The following COL25A1 variants were observed in gnomAD, a reference collection of about 807,000 sequenced individuals.
COL25A1 encodes the protein collagen type XXV alpha 1 chain, also known as collagen alpha-1(XXV) chain.
COL25A1 carries 103 observed loss-of-function variants against 128.4 expected under a neutral mutation model. That is an observed-to-expected ratio of 0.80 (90% CI 0.68 to 0.94). The LOEUF is 0.94. Ranked by LOEUF, COL25A1 falls within the 40% of genes least tolerant of loss-of-function variation. COL25A1 has a pLI of 0.00. For missense variants in COL25A1, 745 were observed against 840.0 expected (o/e 0.89, Z 1.40); for synonymous variants, 279 against 277.2 (o/e 1.01, Z -0.06).
intron 8 of COL25A1, chr4:108,942,124 G>T (rs1284927396): frequency 9.4e-6 from 13 of 1,377,950 alleles, no homozygotes; most frequent in Non-Finnish European, 1.3e-5. Flanking sequence ...AAGCCAACGG[G>T]CTCGGCAAGC....
chr4:109,295,340 T>A (rs2126288693), intron 3 of COL25A1, among the ~76,000 whole-genome samples: 1 of 152,186 alleles, frequency 6.6e-6, no homozygotes, highest in East Asian at 1.9e-4. Flanking sequence ...GTTGTACTCA[T>A]TAGGACTGAA....
intron 21 of COL25A1, 124 bp from the exon 22 acceptor site, chr4:108,862,669 C>T (rs1202772948): frequency 1.3e-6 from 1 of 741,554 alleles, no homozygotes; most frequent in Non-Finnish European, 2.4e-6. Flanking sequence ...TTAACTGCCT[C>T]AATATATGGC....
intron 18 of COL25A1, among the ~76,000 whole-genome samples, chr4:108,888,111 T>C (rs536451465): frequency 2.6e-4 from 40 of 152,116 alleles, no homozygotes; most frequent in African/African-American, 9.4e-4. Flanking sequence ...GCCTAATGAG[T>C]CATTGCTTAG....
rs532608339 is a variant in COL25A1, at chr4:108,810,427, C to T, written c.*3500G>A. 106 of 151,950 alleles carry T rather than the reference C, an allele frequency of 7.0e-4. No individual in the cohort carries two copies. Among genetic ancestry groups the T allele is most frequent in the African/African-American group, 2.5e-3 (103 of 41,504 alleles). The allele number at this position is 151,950 out of a possible 1,614,324, so 9.4% of individuals were successfully genotyped here. A position where few individuals can be genotyped will look rare whatever the true frequency, so the allele number is the denominator to read the frequency against. On this transcript the variant is annotated 3_prime_UTR_variant, in exon 38 of 38. Coordinates refer to ENST00000399132, the MANE Select transcript of COL25A1 (RefSeq NM_198721.4). ...ACAGAATGTAAATTCAAAAACAAGA[C>T]CTTTCTTCTGGTAGGAATTAAAGAT...
intron 8 of COL25A1, among the ~76,000 whole-genome samples, chr4:108,970,600 A>G (rs185397605): frequency 1.2e-4 from 19 of 152,286 alleles, no homozygotes; most frequent in Non-Finnish European, 1.3e-4. Context: ...TTTCAAGAAT[A>G]CAATATATTG....
intron 37 of COL25A1, among the ~76,000 whole-genome samples, chr4:108,815,219 G>A (rs1198960799): frequency 5.3e-5 from 8 of 152,082 alleles, no homozygotes; most frequent in Non-Finnish European, 1.0e-4. Context: ...TAATTAATCA[G>A]TGATTTATAC....
intron 13 of COL25A1, among the ~76,000 whole-genome samples, chr4:108,916,415 C>A (rs1205841190): frequency 1.3e-5 from 2 of 151,976 alleles, no homozygotes; most frequent in East Asian, 3.9e-4. Flanking sequence ...ATTTCCTTTG[C>A]AAAAATAAAG....
At chr4:109,134,514 G>A (rs923167587) in intron 3 of COL25A1, among the ~76,000 whole-genome samples, 10 of 152,212 alleles carry the variant, frequency 6.6e-5, no homozygotes, top group South Asian at 2.1e-4. Context: ...GCAAAGAAGC[G>A]CATTCCCCAT....
chr4:109,068,095 T>C (rs1762610925), intron 3 of COL25A1, among the ~76,000 whole-genome samples: 1 of 152,202 alleles, frequency 6.6e-6, no homozygotes, highest in South Asian at 2.1e-4. Context: ...TGTGCATATC[T>C]TCAGTAGCTT....
At chr4:108,915,634 T>C (rs1744788527) in intron 13 of COL25A1, among the ~76,000 whole-genome samples, 1 of 152,142 alleles carries the variant, frequency 6.6e-6, no homozygotes. Flanking sequence ...CTCACTATGG[T>C]GCCCAAGCTG....
At chr4:108,996,774 G>A (rs192163421) in intron 6 of COL25A1, among the ~76,000 whole-genome samples, 23 of 152,282 alleles carry the variant, frequency 1.5e-4, no homozygotes, top group African/African-American at 4.1e-4. Flanking sequence ...ACAACAAGCT[G>A]TCTCTCAGAC....
chr4:109,298,661 C>A (rs560037235), intron 3 of COL25A1, among the ~76,000 whole-genome samples: 166 of 152,302 alleles, frequency 1.1e-3, no homozygotes, highest in South Asian at 3.3e-3. Context: ...ATATTATTTT[C>A]AACGTAATGT....
intron 18 of COL25A1, among the ~76,000 whole-genome samples, chr4:108,884,846 C>A (rs1740589301): frequency 6.6e-6 from 1 of 152,160 alleles, no homozygotes; most frequent in Non-Finnish European, 1.5e-5. Context: ...TACTATGCAG[C>A]TGTTGCTGAA....
At chr4:109,014,128 G>A (rs1262832448) in intron 5 of COL25A1, among the ~76,000 whole-genome samples, 1 of 152,122 alleles carries the variant, frequency 6.6e-6, no homozygotes, top group Non-Finnish European at 1.5e-5. Context: ...CAAATATGGT[G>A]AAACCCCGTC....
rs3041336 is a variant in COL25A1 at position 109,222,059 on chromosome 4, C to CTTTTTTT, written c.367+78517_367+78523dup. Among the ~76,000 whole-genome samples, 129 of 85,744 alleles carry CTTTTTTT rather than the reference C, an allele frequency of 1.5e-3. 4 individuals are homozygous for CTTTTTTT. Among genetic ancestry groups the CTTTTTTT allele is most frequent in the Middle Eastern group, 8.9e-3 (1 of 112 alleles). 56.3% of individuals were successfully genotyped at this position (85,744 alleles called of 152,430 possible). On this transcript the variant is annotated intron_variant, in intron 3 of 37. Coordinates refer to ENST00000399132, the MANE Select transcript of COL25A1 (RefSeq NM_198721.4). ...TTTGTATTTGTGCTCTAAATAACTTCTTTTTTTTTTTTTTTTTTTTTTTGA... is the reference window on the plus strand; with the variant it reads ...TTTGTATTTGTGCTCTAAATAACTTCTTTTTTTTTTTTTTTTTTTTTTTTTTTTTTGA...
intron 19 of COL25A1, among the ~76,000 whole-genome samples, chr4:108,878,459 A>C (rs1320618075): frequency 6.6e-6 from 1 of 152,174 alleles, no homozygotes; most frequent in Non-Finnish European, 1.5e-5. Flanking sequence ...CTCTTGCTTA[A>C]AGGCTAATTA....
intron 3 of COL25A1, among the ~76,000 whole-genome samples, chr4:109,282,284 A>G (rs1723449394): frequency 6.6e-6 from 1 of 152,196 alleles, no homozygotes. Flanking sequence ...GAACAACAGA[A>G]ATGAAAGTTC....
intron 3 of COL25A1, among the ~76,000 whole-genome samples, chr4:109,163,053 C>G (rs996592449): frequency 6.6e-6 from 1 of 152,038 alleles, no homozygotes; most frequent in African/African-American, 2.4e-5. Context: ...TAAAGTTCAC[C>G]TCCTTATGTT....
chr4:108,971,995 T>C (rs1315214476), intron 8 of COL25A1, among the ~76,000 whole-genome samples: 2 of 152,186 alleles, frequency 1.3e-5, no homozygotes, highest in Non-Finnish European at 2.9e-5. Context: ...TTAATTTCTA[T>C]ATGATCTTCA....
Sources: gnomAD v4.1 joint callset for allele counts (sites outside exome capture counted in the v4.1 genomes callset) on GRCh38, gnomAD v4.1.1 for gene constraint, MANE v1.5 for transcripts, NCBI Gene and HGNC (gene_info 2026-07-23, HGNC 2026-07-21) for gene names.